The following NAV1 variants were observed in gnomAD, a reference collection of about 807,000 sequenced individuals.
NAV1 encodes pore membrane and/or filament interacting like protein 3.
A neutral mutation model predicts 175.2 loss-of-function variants in NAV1; 18 were observed. That is an observed-to-expected ratio of 0.10 (90% CI 0.07 to 0.15). NAV1 has a LOEUF of 0.15. NAV1 is among the 10% of genes least tolerant of loss of function. NAV1 has a pLI of 1.00. For missense variants in NAV1, 1,731 were observed against 2,436.6 expected, an observed-to-expected ratio of 0.71 and a Z score of 6.10; for synonymous variants, 897 against 978.7, an observed-to-expected ratio of 0.92 and a Z score of 1.56.
At chr1:201,734,493 G>GAAGAAGAAGAAGAAGA (rs1558109103) in intron 3 of NAV1, among the ~76,000 whole-genome samples, 1 of 71,628 alleles carries the variant, frequency 1.4e-5, no homozygotes. Flanking sequence ...GAGGAAGAAG[G>GAAGAAGAAGAAGAAGA]AGAAGGAGAA....
Position 201,803,561 on chromosome 1 carries a change from TC to T in NAV1, c.3518-31del. The T allele has an allele frequency of 3.1e-6, 5 of 1,607,972 alleles. No individual in the cohort carries two copies. The South Asian group carries it at 5.6e-5, about 18-fold the overall frequency. On this transcript the variant is annotated intron_variant, in intron 15 of 29. Coordinates refer to ENST00000367296, the Ensembl canonical transcript of NAV1. The stretch of plus-strand genomic sequence containing the variant: ...AGTCTCACATCCTCTCTAAATCTGT[TC>T]TATGTTTTTCCCACTTGTACTTGGC...
intron 2 of NAV1, among the ~76,000 whole-genome samples, chr1:201,593,638 G>A (rs554746747): frequency 6.6e-6 from 1 of 152,092 alleles, no homozygotes; most frequent in Non-Finnish European, 1.5e-5. Flanking sequence ...TACTGGGCCC[G>A]CACGATATGT....
intron 3 of NAV1, among the ~76,000 whole-genome samples, chr1:201,778,347 A>G (rs866759603): frequency 6.6e-6 from 1 of 152,204 alleles, no homozygotes; most frequent in Middle Eastern, 3.2e-3. Flanking sequence ...TTGATTACCA[A>G]TAATTAATCT....
chr1:201,817,192 C>T (rs779275418), exon 29 of NAV1: 34 of 1,614,058 alleles, frequency 2.1e-5, no homozygotes, highest in Non-Finnish European at 2.8e-5. Flanking sequence ...ACCACCTGCC[C>T]CCACCCACCG....
At chr1:201,601,450 C>T (rs1667508985) in intron 2 of NAV1, among the ~76,000 whole-genome samples, 1 of 152,038 alleles carries the variant, frequency 6.6e-6, no homozygotes, top group Admixed American at 6.6e-5. Context: ...ACCACTGTAC[C>T]CCAGCCTCGG....
rs930028427 is a variant in NAV1, at chr1:201,539,678, T to C, written c.-144+336T>C. ...GTTGTGAAATACCCACAATTTAAAG[T>C]GCGTTGAGATCTTATCATGAGACAC... is the stretch of plus-strand genomic sequence containing the variant. On this transcript the variant is annotated intron_variant, in intron 1 of 33. Transcript: ENST00000685211. This position sits in a 1 kb window ranked among gnomAD's most constrained non-coding sequence, Gnocchi z 5.6. 2.0e-5 allele frequency among the ~76,000 whole-genome samples: 3 copies of C among 152,150 alleles called. No individual in the cohort carries two copies. The highest frequency in any genetic ancestry group is 4.4e-5 in the Non-Finnish European group (3 of 68,018).
chr1:201,630,883 CCTAATGATCTCCATG>C (rs1186241260), intron 2 of NAV1, among the ~76,000 whole-genome samples: 5 of 152,194 alleles, frequency 3.3e-5, no homozygotes, highest in Non-Finnish European at 7.3e-5. Context: ...ATTGTTAGAG[CCTAATGATCTCCATG>C]CACCTAACCC....
intron 7 of NAV1, among the ~76,000 whole-genome samples, chr1:201,784,507 C>T (rs1676565574): frequency 6.6e-6 from 1 of 151,936 alleles, no homozygotes; most frequent in Admixed American, 6.6e-5. Context: ...CCTCCCTTCC[C>T]CCTATATGCC....
At chr1:201,570,053 A>G (rs1373449865) in intron 1 of NAV1, among the ~76,000 whole-genome samples, 1 of 152,206 alleles carries the variant, frequency 6.6e-6, no homozygotes, top group African/African-American at 2.4e-5. Context: ...TTTATTTATT[A>G]TGATTAAGAA....
chr1:201,727,533 T>C (rs943254977), intron 3 of NAV1, among the ~76,000 whole-genome samples: 2 of 152,302 alleles, frequency 1.3e-5, no homozygotes, highest in Admixed American at 6.5e-5. Context: ...ACTTGGCTAA[T>C]TGGGCTGTCA....
chr1:201,619,373 GT>G (rs1485011570), upstream of NAV1, among the ~76,000 whole-genome samples: 1 of 151,992 alleles, frequency 6.6e-6, no homozygotes, highest in African/African-American at 2.4e-5. Context: ...GTTGGGGGTG[GT>G]TGTTGGGCAA....
rs543712497 is a variant in NAV1, at chr1:201,574,015, C to T, written c.-143-14524C>T. 8.6e-5 allele frequency among the ~76,000 whole-genome samples: 13 copies of T among 151,394 alleles called. No homozygotes were observed. In the East Asian group the frequency reaches 2.3e-3, roughly 27 times the overall value. On this transcript the variant is annotated intron_variant, in intron 1 of 33. Transcript: ENST00000685211. ...AGGCTACAGTGAGCTATGATAGTGGCGGCACTGCACTCTAGCCTGGACATC... is the reference window on the plus strand; with the variant it reads ...AGGCTACAGTGAGCTATGATAGTGGTGGCACTGCACTCTAGCCTGGACATC...
chr1:201,816,186 A>C (rs1679017774), intron 28 of NAV1, among the ~76,000 whole-genome samples: 1 of 152,130 alleles, frequency 6.6e-6, no homozygotes, highest in African/African-American at 2.4e-5. Context: ...AATCTGACCA[A>C]CATGATGAAA....
chr1:201,654,583 A>T (rs750327537), intron 1 of NAV1, among the ~76,000 whole-genome samples: 42 of 152,218 alleles, frequency 2.8e-4, no homozygotes, highest in Non-Finnish European at 5.6e-4. Flanking sequence ...CCAGTGCTGT[A>T]TGGAGCAGGC....
At chr1:201,676,775 T>A (rs938668793) in intron 1 of NAV1, among the ~76,000 whole-genome samples, 1 of 152,220 alleles carries the variant, frequency 6.6e-6, no homozygotes, top group African/African-American at 2.4e-5. Flanking sequence ...AATAATCATG[T>A]CAAATACTGT....
chr1:201,782,688 A>G lies in NAV1; in HGVS notation c.2176A>G (p.Thr726Ala). Residue 726 changes from threonine to alanine, a missense_variant, in exon 6 of 30, where the codon ACC becomes GCC. Physicochemically the swap from Thr to Ala is moderately conservative, Grantham distance 58. Around this residue, in one of 13 missense-constraint regions of NAV1, gnomAD observed 634 missense variants for 766.8 expected, o/e 0.83. Coordinates refer to ENST00000367296, the Ensembl canonical transcript of NAV1. The surrounding 1 kb of genome is among the most constrained non-coding windows in gnomAD (Gnocchi z 5.4). ...GCCTACCAAGGTAGCCAGTGGGCGG[A>G]CCACTCCAGCCCCTGTCAATCAGAC... 1 of 1,614,156 alleles carries G rather than the reference A, an allele frequency of 6.2e-7. No individual in the cohort carries two copies. The highest frequency in any genetic ancestry group is 8.5e-7 in the Non-Finnish European group (1 of 1,180,018).
At chr1:201,604,715 GGAAAGAAAGAGAAA>G (rs1223557491) in intron 2 of NAV1, among the ~76,000 whole-genome samples, 1 of 138,370 alleles carries the variant, frequency 7.2e-6, no homozygotes, top group African/African-American at 2.7e-5. Flanking sequence ...GAAAGAGAAA[GGAAAGAAAGAGAAA>G]GAAAGAAAGA....
At chr1:201,776,581 C>T (rs1675957715) in intron 3 of NAV1, among the ~76,000 whole-genome samples, 1 of 147,270 alleles carries the variant, frequency 6.8e-6, no homozygotes, top group Non-Finnish European at 1.5e-5. Context: ...ACGGAGGTTG[C>T]AGTGAGCCCA....
intron 3 of NAV1, among the ~76,000 whole-genome samples, chr1:201,752,239 G>A (rs192727626): frequency 4.6e-5 from 7 of 152,290 alleles, no homozygotes; most frequent in Non-Finnish European, 7.3e-5. Flanking sequence ...CTCCAAGGCC[G>A]GATCACTGAT....
Sources: gnomAD v4.1 joint callset for allele counts (sites outside exome capture counted in the v4.1 genomes callset) on GRCh38, gnomAD v4.1.1 for gene constraint, gnomAD v4.1.1 regional missense constraint, Gnocchi (gnomAD v3.1) non-coding constraint, MANE v1.5 for transcripts, NCBI Gene and HGNC (gene_info 2026-07-23, HGNC 2026-07-21) for gene names.